SNHG17: variants seen among roughly 807,000 people sequenced by gnomAD.
SNHG17 encodes small nucleolar RNA host gene 17 (non-protein coding).
At chr20:38,430,029 T>C (rs1600764920) in intron 3 of SNHG17, among the ~76,000 whole-genome samples, 1 of 152,342 alleles carries the variant, frequency 6.6e-6, no homozygotes, top group East Asian at 1.9e-4. Context: ...TCTCAAAGAC[T>C]GGGCTGGCCG....
At chr20:38,433,008 T>G (rs1186858719) in intron 2 of SNHG17, among the ~76,000 whole-genome samples, 1 of 152,202 alleles carries the variant, frequency 6.6e-6, no homozygotes, top group Non-Finnish European at 1.5e-5. Flanking sequence ...AGTCTCACTC[T>G]GTCGCCTAGG....
chr20:38,427,271 C>T (rs577804957), intron 3 of SNHG17: 9 of 460,942 alleles, frequency 2.0e-5, no homozygotes, highest in African/African-American at 1.4e-4. Flanking sequence ...CAAGCAAGCG[C>T]CGGACTCCTC....
At chr20:38,429,486 G>A (rs1170201527) in intron 3 of SNHG17, among the ~76,000 whole-genome samples, 1 of 152,206 alleles carries the variant, frequency 6.6e-6, no homozygotes, top group Non-Finnish European at 1.5e-5. Context: ...CCGGGAGGAA[G>A]GAGCAGGGCA....
At chr20:38,422,757 A>G (rs1195646332) in intron 5 of SNHG17, among the ~76,000 whole-genome samples, 1 of 152,158 alleles carries the variant, frequency 6.6e-6, no homozygotes, top group Non-Finnish European at 1.5e-5. Flanking sequence ...ATACGCACAC[A>G]CACACACGCA....
intron 6 of SNHG17, chr20:38,421,601 C>T (rs1181074005): frequency 6.6e-6 from 1 of 152,126 alleles, no homozygotes; most frequent in African/African-American, 2.4e-5. Flanking sequence ...TCACATGGGC[C>T]CACAAAGGCC....
At chr20:38,433,082 G>A (rs1432131263) in intron 2 of SNHG17, among the ~76,000 whole-genome samples, 1 of 152,006 alleles carries the variant, frequency 6.6e-6, no homozygotes, top group Non-Finnish European at 1.5e-5. Context: ...AAGCGATTCT[G>A]GTGTGCCTCA....
chr20:38,422,338 C>G (rs538999900), intron 5 of SNHG17: 1 of 152,414 alleles, frequency 6.6e-6, no homozygotes, highest in African/African-American at 2.4e-5. Context: ...GACAACACAT[C>G]CCATGGAGCC....
chr20:38,429,901 G>C, intron 3 of SNHG17: 1 of 460,968 alleles, frequency 2.2e-6, no homozygotes, highest in Non-Finnish European at 4.2e-6. Flanking sequence ...GCAATGAGCA[G>C]ACTTACAGCC....
At chr20:38,427,709 TC>T (rs937144775) in intron 3 of SNHG17, 3 of 162,216 alleles carry the variant, frequency 1.8e-5, no homozygotes, top group African/African-American at 7.2e-5. Context: ...AAATTGAGAT[TC>T]AAAACAGGTC....
chr20:38,426,997 C>T (rs1215039534), intron 3 of SNHG17, among the ~76,000 whole-genome samples: 4 of 112,648 alleles, frequency 3.6e-5, no homozygotes, highest in African/African-American at 1.6e-4. Context: ...GTTACACATA[C>T]ACACACACAC....
intron 1 of SNHG17, chr20:38,434,775 A>G (rs2084403692): frequency 3.1e-6 from 3 of 957,918 alleles, no homozygotes; most frequent in Admixed American, 5.7e-5. Flanking sequence ...ACCTACTTTT[A>G]AAAGTTATTG....
At chr20:38,433,594 A>AC (rs2122733054) in intron 2 of SNHG17, among the ~76,000 whole-genome samples, 1 of 152,284 alleles carries the variant, frequency 6.6e-6, no homozygotes, top group East Asian at 1.9e-4. Flanking sequence ...TCCTGTCTCT[A>AC]AAAAAATACA....
chr20:38,435,141 TCA>T (rs962214412), intron 1 of SNHG17: 2 of 1,232,302 alleles, frequency 1.6e-6, no homozygotes, highest in Non-Finnish European at 2.0e-6. Flanking sequence ...CCCCGGGGCC[TCA>T]GTTTCCCCCG....
intron 3 of SNHG17, chr20:38,429,638 G>A (rs1282188508): frequency 2.1e-6 from 1 of 476,146 alleles, no homozygotes. Flanking sequence ...CAGGCACCAG[G>A]AGCCATCTAA....
chr20:38,421,896 C>T (rs2084161218), intron 6 of SNHG17: 1 of 152,192 alleles, frequency 6.6e-6, no homozygotes, highest in Non-Finnish European at 1.5e-5. Flanking sequence ...TTCTAAGACC[C>T]CAAAAGGAGT....
At chr20:38,433,528 T>C (rs906210403) in intron 2 of SNHG17, among the ~76,000 whole-genome samples, 1 of 151,912 alleles carries the variant, frequency 6.6e-6, no homozygotes, top group Non-Finnish European at 1.5e-5. Context: ...GTACAGGAGT[T>C]CAAGCTATGA....
chr20:38,434,888 G>A (rs1260250150), intron 1 of SNHG17: 7 of 1,215,370 alleles, frequency 5.8e-6, no homozygotes, highest in Non-Finnish European at 7.2e-6. Flanking sequence ...GGAGTCGGGG[G>A]CGGGCAGCTA....
intron 5 of SNHG17, among the ~76,000 whole-genome samples, chr20:38,425,512 G>A (rs967916109): frequency 6.6e-6 from 1 of 152,116 alleles, no homozygotes; most frequent in African/African-American, 2.4e-5. Context: ...GCATGAATAC[G>A]AATCACCTGG....
At chr20:38,430,587 A>C (rs1334049621) in intron 3 of SNHG17, among the ~76,000 whole-genome samples, 1 of 152,168 alleles carries the variant, frequency 6.6e-6, no homozygotes, top group East Asian at 1.9e-4. Flanking sequence ...ATGCCATTGC[A>C]CTCTAGCCTG....
Sources: gnomAD v4.1 joint callset for allele counts (sites outside exome capture counted in the v4.1 genomes callset) on GRCh38, gnomAD v4.1.1 for gene constraint, MANE v1.5 for transcripts, NCBI Gene and HGNC (gene_info 2026-07-23, HGNC 2026-07-21) for gene names.